Variants in FRMPD4 observed in about 807,000 individuals in gnomAD.
FRMPD4 encodes FERM and PDZ domain-containing protein 4.
FRMPD4 carries 22 observed loss-of-function variants against 94.1 expected under a neutral mutation model. That is an observed-to-expected ratio of 0.23 (90% confidence interval 0.17 to 0.33). FRMPD4 has a LOEUF of 0.33. Ranked by LOEUF, FRMPD4 falls within the 10% of genes least tolerant of loss-of-function variation. FRMPD4 has a pLI of 1.00. For missense variants in FRMPD4, 1,111 were observed against 1,339.9 expected, an observed-to-expected ratio of 0.83 and a Z score of 2.67; for synonymous variants, 631 against 548.6, an observed-to-expected ratio of 1.15 and a Z score of -2.10.
intron 1 of FRMPD4, among the ~76,000 whole-genome samples, chrX:12,234,448 C>A (rs141075346): frequency 8.6e-4 from 96 of 111,086 alleles, no homozygotes; most frequent in Non-Finnish European, 1.3e-3. Flanking sequence ...CAGAGTCAAC[C>A]CTGGAGGTAA....
chrX:12,175,068 T>C (rs1207465168), intron 1 of FRMPD4, among the ~76,000 whole-genome samples: 1 of 112,313 alleles, frequency 8.9e-6, no homozygotes, highest in Non-Finnish European at 1.9e-5. Context: ...CTTTGAACTT[T>C]CATTTCTAAC....
chrX:11,883,748 C>T (rs1167842390), intron 3 of FRMPD4, among the ~76,000 whole-genome samples: 2 of 112,128 alleles, frequency 1.8e-5, no homozygotes, highest in African/African-American at 3.2e-5. Flanking sequence ...TTGTCAAGGA[C>T]ACTTCCAAAG....
intron 1 of FRMPD4, among the ~76,000 whole-genome samples, chrX:12,371,583 G>A (rs1416824214): frequency 8.9e-6 from 1 of 112,131 alleles, no homozygotes; most frequent in Non-Finnish European, 1.9e-5. Context: ...TGTCATGACA[G>A]TAACGATTGC....
intron 1 of FRMPD4, among the ~76,000 whole-genome samples, chrX:12,437,862 A>G (rs768267128): frequency 2.7e-5 from 3 of 112,055 alleles, no homozygotes; most frequent in African/African-American, 6.5e-5. Flanking sequence ...AATTAGTCAT[A>G]CTATTCATTC....
intron 1 of FRMPD4, among the ~76,000 whole-genome samples, chrX:12,282,847 T>A (rs1348394549): frequency 1.8e-5 from 2 of 112,104 alleles, no homozygotes; most frequent in Non-Finnish European, 3.8e-5. Context: ...TCAAGATAAG[T>A]CTGCAATGAG....
At chrX:12,387,294 C>A (rs188646524) in intron 1 of FRMPD4, among the ~76,000 whole-genome samples, 29 of 112,214 alleles carry the variant, frequency 2.6e-4, no homozygotes, top group Non-Finnish European at 4.1e-4. Context: ...GTTAAACTTG[C>A]GTTAACACCA....
intron 3 of FRMPD4, among the ~76,000 whole-genome samples, chrX:12,066,865 G>GTTTTTTT (rs2054924532): frequency 4.1e-5 from 4 of 96,491 alleles, no homozygotes; most frequent in Admixed American, 2.4e-4. Context: ...CAAGTTTTTT[G>GTTTTTTT]TTTTTGTTTT....
chrX:12,551,241 C>A (rs1429893174), intron 2 of FRMPD4, among the ~76,000 whole-genome samples: 1 of 111,070 alleles, frequency 9.0e-6, no homozygotes, highest in Non-Finnish European at 1.9e-5. Flanking sequence ...GCAGTTTCGA[C>A]AATTATTAAC....
intron 3 of FRMPD4, among the ~76,000 whole-genome samples, chrX:11,997,220 T>TA (rs1262372310): frequency 9.0e-6 from 1 of 111,048 alleles, no homozygotes; most frequent in African/African-American, 3.3e-5. Context: ...AAAAATGGTT[T>TA]AGACGTAGAC....
At chrX:12,200,777 G>T (rs765437775) in intron 1 of FRMPD4, among the ~76,000 whole-genome samples, 1 of 112,554 alleles carries the variant, frequency 8.9e-6, no homozygotes, top group Non-Finnish European at 1.9e-5. Context: ...ACACGTTAAA[G>T]ATTTTTATTT....
At chrX:11,987,098 T>TA (rs35377550) in intron 3 of FRMPD4, among the ~76,000 whole-genome samples, 422 of 21,804 alleles carry the variant, frequency 0.019, 51 homozygotes, top group African/African-American at 0.034. Context: ...AAAGACACAT[T>TA]AAAAAAAAAA....
At chrX:11,972,769 A>C (rs2054347204) in intron 3 of FRMPD4, among the ~76,000 whole-genome samples, 1 of 112,573 alleles carries the variant, frequency 8.9e-6, no homozygotes, top group South Asian at 3.7e-4. Context: ...GCTAGTCATT[A>C]ATATTGGAGA....
At chrX:11,854,557 A>C (rs1045107652) in intron 1 of FRMPD4, among the ~76,000 whole-genome samples, 3 of 112,361 alleles carry the variant, frequency 2.7e-5, no homozygotes, top group Non-Finnish European at 5.6e-5. Flanking sequence ...ATTGGGTAAA[A>C]TACACCCATT....
chrX:11,949,049 G>C (rs1203388020), intron 3 of FRMPD4, among the ~76,000 whole-genome samples: 1 of 112,102 alleles, frequency 8.9e-6, no homozygotes. Flanking sequence ...GTTCCTTAAA[G>C]CTCCTAGAAT....
intron 1 of FRMPD4, among the ~76,000 whole-genome samples, chrX:12,329,760 A>G (rs1186481698): frequency 9.3e-6 from 1 of 107,315 alleles, no homozygotes; most frequent in Non-Finnish European, 1.9e-5. Context: ...GTGCTCCTGA[A>G]TCTCTTTCGT....
At chrX:12,682,923 A>T (rs2059986867) in intron 5 of FRMPD4, among the ~76,000 whole-genome samples, 1 of 112,152 alleles carries the variant, frequency 8.9e-6, no homozygotes, top group Non-Finnish European at 1.9e-5. Flanking sequence ...TACCAAGAAG[A>T]GGCTAAAACT....
chrX:12,273,146 C>T (rs2054380202), intron 1 of FRMPD4, among the ~76,000 whole-genome samples: 1 of 111,188 alleles, frequency 9.0e-6, no homozygotes, highest in Non-Finnish European at 1.9e-5. Flanking sequence ...CAGCTCCTAC[C>T]CTTTACCAAT....
rs1354410873 is a variant in FRMPD4, at chrX:12,193,824, AAGGAGGGAAGGAAG to A, written c.41+54814_41+54827del. Among the ~76,000 whole-genome samples, 10 of 44,549 alleles carry A rather than the reference AAGGAGGGAAGGAAG, an allele frequency of 2.2e-4. 2 individuals are homozygous for A. The highest frequency in any genetic ancestry group is 3.3e-4 in the African/African-American group (4 of 12,229). 38.7% of individuals were successfully genotyped at this position (44,549 alleles called of 115,157 possible). On this transcript the variant is annotated intron_variant, in intron 1 of 16. Coordinates refer to ENST00000675598, the MANE Select transcript of FRMPD4 (RefSeq NM_001368397.1). ...GAAGGAAGGAAGGAAGGAAGGAAGG[AAGGAGGGAAGGAAG>A]AAAGAAAAGAAAGAAAAAGGAAGGA... is the stretch of plus-strand genomic sequence containing the variant.
chrX:12,128,471 A>T (rs1217689720), intron 3 of FRMPD4, among the ~76,000 whole-genome samples: 1 of 112,031 alleles, frequency 8.9e-6, no homozygotes, highest in Non-Finnish European at 1.9e-5. Flanking sequence ...GGTCCTACCC[A>T]AAAAACCATT....
Sources: allele counts gnomAD v4.1 joint callset (sites outside exome capture counted in the v4.1 genomes callset), GRCh38; gene constraint gnomAD v4.1.1; transcripts MANE v1.5; gene names NCBI Gene and HGNC (gene_info 2026-07-23, HGNC 2026-07-21).